Variants in ENOSF1 observed in about 807,000 individuals in gnomAD.
ENOSF1 encodes enolase superfamily member 1, also known as mitochondrial enolase superfamily member 1.
A neutral mutation model predicts 68.2 loss-of-function variants in ENOSF1; 73 were observed. The ratio of observed to expected loss-of-function variants is 1.07; its 90% confidence interval spans 0.89 to 1.30. ENOSF1 has a LOEUF of 1.30. Among genes scored for constraint, ENOSF1 ranks in the 50% most tolerant of loss-of-function variants. The probability of loss-of-function intolerance (pLI) is 0.00; values close to 1 mark genes in which losing one functional copy is unlikely to be tolerated. For synonymous variants in ENOSF1, 223 were observed against 210.4 expected (o/e 1.06, Z -0.52); for missense variants, 589 against 554.5 (o/e 1.06, Z -0.62).
At chr18:668,639 A>G (rs769076983), downstream of ENOSF1, among the ~76,000 whole-genome samples, 1 of 152,246 alleles carries the variant, frequency 6.6e-6, no homozygotes, top group African/African-American at 2.4e-5. Context: ...TATATTCTAC[A>G]TAAGATACAA....
chr18:694,387 G>T, intron 3 of ENOSF1, 53 bp from the exon 4 acceptor site: 1 of 1,535,926 alleles, frequency 6.5e-7, no homozygotes, highest in Non-Finnish European at 8.9e-7. Context: ...AAAGAGGGCT[G>T]GGTGTGATGG....
At chr18:693,704 C>T (rs943041194) in intron 5 of ENOSF1, 178 bp downstream of exon 5, 1 of 985,228 alleles carries the variant, frequency 1.0e-6, no homozygotes, top group African/African-American at 1.7e-5. Context: ...ATGAGCACAG[C>T]CATCTGTTAC....
intron 2 of ENOSF1, among the ~76,000 whole-genome samples, chr18:697,884 C>T (rs1168467337): frequency 2.0e-5 from 3 of 152,180 alleles, no homozygotes; most frequent in African/African-American, 7.2e-5. Flanking sequence ...ACCTTGACCT[C>T]CCCGGCTCAG....
chr18:696,341 A>T (rs921189724), intron 3 of ENOSF1, among the ~76,000 whole-genome samples: 1 of 151,402 alleles, frequency 6.6e-6, no homozygotes, highest in Non-Finnish European at 1.5e-5. Context: ...CCTCCTGAGT[A>T]ACTGGGACTA....
At chr18:705,752 T>C (rs959896370) in intron 2 of ENOSF1, among the ~76,000 whole-genome samples, 2 of 152,118 alleles carry the variant, frequency 1.3e-5, no homozygotes, top group Non-Finnish European at 2.9e-5. Context: ...CTCACACCTG[T>C]AATCCCAGCA....
Position 683,999 on chromosome 18 carries a change from CTT to C in ENOSF1, c.742-621_742-620del, listed in dbSNP as rs56675684. Among the ~76,000 whole-genome samples, 303 of 144,046 alleles carry C rather than the reference CTT, an allele frequency of 2.1e-3. 6 individuals carry two copies. The East Asian group carries it at 0.037, about 17-fold the overall frequency. The allele number at this position is 144,046 out of a possible 152,430, so 94.5% of individuals were successfully genotyped here. The stretch of plus-strand genomic sequence containing the variant: ...AAGCCCGTGGATTTCTTTTCTTTTT[CTT>C]TTTTTTTTTTGAGACAGAGTCTCGC... On this transcript the variant is annotated intron_variant, in intron 10 of 15. Coordinates refer to ENST00000647584, the MANE Select transcript of ENOSF1 (RefSeq NM_017512.7).
intron 1 of ENOSF1, among the ~76,000 whole-genome samples, chr18:711,856 C>A (rs1463639170): frequency 6.6e-6 from 1 of 152,168 alleles, no homozygotes; most frequent in African/African-American, 2.4e-5. Context: ...GTTTCTCAAC[C>A]CGACTGTGAC....
rs1051704834 is a variant in ENOSF1 at position 673,596 on chromosome 18, T to C, written c.*709A>G. The stretch of plus-strand genomic sequence containing the variant: ...TAAGTAAACATGTGCTGTATTCTGG[T>C]TTGGATGCTACTTAAAAGAGTATAT... On this transcript the variant is annotated 3_prime_UTR_variant, in exon 16 of 16. Coordinates refer to ENST00000647584, the MANE Select transcript of ENOSF1 (RefSeq NM_017512.7). 1.1e-5 allele frequency: 2 copies of C among 179,818 alleles called. No homozygotes were observed. Among genetic ancestry groups the C allele is most frequent in the Non-Finnish European group, 2.4e-5 (2 of 84,476 alleles). The allele number at this position is 179,818 out of a possible 1,614,324, so 11.1% of individuals were successfully genotyped here. A position where few individuals can be genotyped will look rare whatever the true frequency, so the allele number is the denominator to read the frequency against.
At chr18:690,728 T>TGTTTCCCCTGGAGAGTCCAGCC in intron 7 of ENOSF1, 97 bp from the exon 8 acceptor site, 1 of 1,553,958 alleles carries the variant, frequency 6.4e-7, no homozygotes. Flanking sequence ...AGAGTCCAGC[T>TGTTTCCCCTGGAGAGTCCAGCC]GTTCTCCTGA....
In ENOSF1 at chr18:670,540, G is replaced by GGGGCTGTT; in HGVS notation, c.*3764_*3765insAACAGCCC. On this transcript the variant is annotated 3_prime_UTR_variant, in exon 16 of 16. Coordinates refer to ENST00000647584, the MANE Select transcript of ENOSF1 (RefSeq NM_017512.7). ...CCCTCAGCTCCGTGCCATCGCTGCA[G>GGGGCTGTT]AGGCTGTTATGGACATCACTGCAGC... 1 of 743,976 alleles carries GGGGCTGTT rather than the reference G, an allele frequency of 1.3e-6. No individual in the cohort carries two copies. The highest frequency in any genetic ancestry group is 1.8e-5 in the South Asian group (1 of 54,800). The allele number at this position is 743,976 out of a possible 1,614,324, so 46.1% of individuals were successfully genotyped here.
downstream of ENOSF1, among the ~76,000 whole-genome samples, chr18:666,431 C>T (rs1158702580): frequency 1.3e-5 from 2 of 152,186 alleles, no homozygotes; most frequent in Non-Finnish European, 2.9e-5. Flanking sequence ...ACATCTCACT[C>T]CTGGACTTCC....
chr18:683,130 A>G lies in ENOSF1; in HGVS notation c.876+116T>C, dbSNP rs550607624. On this transcript the variant is annotated intron_variant, in intron 11 of 15. Coordinates refer to ENST00000647584, the MANE Select transcript of ENOSF1 (RefSeq NM_017512.7). ...GTCACACATTACAATTATTTCAGCT[A>G]CTTCAACAGGAAATGCAAGAGGGAA... 2.3e-5 allele frequency: 29 copies of G among 1,246,142 alleles called. No individual in the cohort carries two copies. In the African/African-American group the frequency reaches 4.1e-4, roughly 18 times the overall value. 77.2% of individuals were successfully genotyped at this position (1,246,142 alleles called of 1,614,324 possible). A position where few individuals can be genotyped will look rare whatever the true frequency, so the allele number is the denominator to read the frequency against.
At chr18:712,277 G>T in intron 1 of ENOSF1, 2 of 1,530,182 alleles carry the variant, frequency 1.3e-6, no homozygotes, top group South Asian at 1.2e-5. Context: ...AGAAGCAATG[G>T]GTTCGAAGTC....
chr18:699,852 G>A (rs1175444836), intron 2 of ENOSF1, among the ~76,000 whole-genome samples: 2 of 152,202 alleles, frequency 1.3e-5, no homozygotes, highest in Admixed American at 6.5e-5. Flanking sequence ...GGCCAAGGCC[G>A]GTGGATTGCC....
chr18:672,955 G>A lies in ENOSF1; in HGVS notation c.*1350C>T. ...AAGCTGAAGACTTTCAGATTGAAGGGTACAATCCGCATCCAACTATTAAAA... is the reference window on the plus strand; with the variant it reads ...AAGCTGAAGACTTTCAGATTGAAGGATACAATCCGCATCCAACTATTAAAA... On this transcript the variant is annotated 3_prime_UTR_variant, in exon 16 of 16. Transcript: ENST00000647584. The A allele has an allele frequency of 6.3e-7, 1 of 1,589,476 alleles. No homozygotes were observed.
In ENOSF1 at chr18:695,810, T is replaced by C. The variant is rs904243108; in HGVS notation, c.309+1430A>G. On this transcript the variant is annotated intron_variant, in intron 3 of 15. Transcript: ENST00000647584. The stretch of plus-strand genomic sequence containing the variant: ...TGGGTTATAAGCCATTACTATCATA[T>C]TTATTTGGATGTTCAAATTGTCCCA... Among the ~76,000 whole-genome samples the C allele has an allele frequency of 5.3e-5, 8 of 152,306 alleles. No individual in the cohort carries two copies. The East Asian group carries it at 1.3e-3, about 26-fold the overall frequency.
At chr18:704,872 C>T (rs1455925795) in intron 2 of ENOSF1, among the ~76,000 whole-genome samples, 2 of 152,132 alleles carry the variant, frequency 1.3e-5, no homozygotes, top group African/African-American at 2.4e-5. Flanking sequence ...TCCCAAAGTG[C>T]TGGGATTACA....
At position 670,481 on chromosome 18, in the gene ENOSF1, A is replaced by T; in HGVS notation, c.*3824T>A. 1.8e-6 allele frequency: 1 copy of T among 558,152 alleles called. No homozygotes were observed. Among genetic ancestry groups the T allele is most frequent in the South Asian group, 2.4e-5 (1 of 41,216 alleles). 34.6% of individuals were successfully genotyped at this position (558,152 alleles called of 1,614,324 possible). A position where few individuals can be genotyped will look rare whatever the true frequency, so the allele number is the denominator to read the frequency against. ...AGAGCATTGCTTCAGCCGTAAATGG[A>T]CACCTGCAGAAACCTTGCACCGATG... On this transcript the variant is annotated 3_prime_UTR_variant, in exon 16 of 16. Transcript: ENST00000647584.
rs764292373 is a variant in ENOSF1, at chr18:694,230, G to GT, written c.396+17dup. On this transcript the variant is annotated intron_variant, in intron 4 of 15. Transcript: ENST00000647584. Reference sequence around the variant, plus strand: ...TACAGCTCCCAGGAGCCTCCTGAGCGTTTGTGAGAGGGGTTACCTTTCCCT... The same window carrying GT: ...TACAGCTCCCAGGAGCCTCCTGAGCGTTTTGTGAGAGGGGTTACCTTTCCCT... 2.7e-5 allele frequency: 43 copies of GT among 1,612,790 alleles called. 1 individual carries two copies. In the Middle Eastern group the frequency reaches 4.8e-3, roughly 180 times the overall value.
Sources: allele counts gnomAD v4.1 joint callset (sites outside exome capture counted in the v4.1 genomes callset), GRCh38; gene constraint gnomAD v4.1.1; transcripts MANE v1.5; gene names NCBI Gene and HGNC (gene_info 2026-07-23, HGNC 2026-07-21).